Variants in ESRRG observed in about 807,000 individuals in gnomAD.
ESRRG encodes the protein estrogen related receptor gamma, also known as estrogen-related receptor gamma.
Under a neutral mutation model 44.0 loss-of-function variants are expected in ESRRG, and 13 were observed. The ratio of observed to expected loss-of-function variants is 0.30; its 90% CI spans 0.19 to 0.47. ESRRG has a LOEUF of 0.47. Among genes scored for constraint, ESRRG ranks in the 20% least tolerant of loss-of-function variants. The pLI is 1.00. For missense variants in ESRRG, 395 were observed against 580.6 expected, an observed-to-expected ratio of 0.68 and a Z score of 3.29; for synonymous variants, 215 against 214.6, an observed-to-expected ratio of 1.00 and a Z score of -0.02.
intron 2 of ESRRG, among the ~76,000 whole-genome samples, chr1:216,731,030 C>T (rs996019436): frequency 1.3e-5 from 2 of 152,142 alleles, no homozygotes; most frequent in African/African-American, 4.8e-5. Flanking sequence ...AACAAAGCTG[C>T]CATATCAGTA....
intron 1 of ESRRG, among the ~76,000 whole-genome samples, chr1:217,033,862 T>C (rs137931081): frequency 2.0e-3 from 303 of 152,336 alleles, no homozygotes; most frequent in African/African-American, 6.8e-3. Flanking sequence ...AACACTGTTA[T>C]TTCACAGATG....
chr1:216,580,089 G>A (rs2062456018), intron 3 of ESRRG, among the ~76,000 whole-genome samples: 1 of 152,198 alleles, frequency 6.6e-6, no homozygotes, highest in African/African-American at 2.4e-5. Flanking sequence ...TTTGGTGTAT[G>A]TTGTAAAGTG....
chr1:217,082,905 C>T (rs917249749), intron 1 of ESRRG, among the ~76,000 whole-genome samples: 2 of 152,212 alleles, frequency 1.3e-5, no homozygotes, highest in African/African-American at 4.8e-5. Context: ...CAACCAGCCT[C>T]AAAGAGTCCC....
At chr1:216,547,270 G>A (rs764878447) in intron 5 of ESRRG, among the ~76,000 whole-genome samples, 16 of 151,788 alleles carry the variant, frequency 1.1e-4, no homozygotes, top group South Asian at 2.1e-4. Flanking sequence ...TGATGATGAT[G>A]ATGATGATAC....
chr1:216,656,076 A>G (rs2070457148), intron 2 of ESRRG, among the ~76,000 whole-genome samples: 1 of 152,176 alleles, frequency 6.6e-6, no homozygotes, highest in African/African-American at 2.4e-5. Context: ...CTAAAAGTGG[A>G]AACTAGACGA....
chr1:216,749,552 TCAGCTGTTTAACAG>T (rs2091802932), intron 2 of ESRRG, among the ~76,000 whole-genome samples: 1 of 152,190 alleles, frequency 6.6e-6, no homozygotes, highest in South Asian at 2.1e-4. Context: ...TCTTTTGTCG[TCAGCTGTTTAACAG>T]CAGCTGTTTA....
chr1:217,060,700 T>C (rs1032311533), intron 1 of ESRRG, among the ~76,000 whole-genome samples: 3 of 151,988 alleles, frequency 2.0e-5, no homozygotes, highest in African/African-American at 7.2e-5. Flanking sequence ...TTTTCAAGCA[T>C]CTAAATTCCT....
intron 2 of ESRRG, among the ~76,000 whole-genome samples, chr1:216,800,248 A>G (rs575425605): frequency 7.2e-5 from 11 of 152,280 alleles, no homozygotes; most frequent in African/African-American, 2.4e-4. Flanking sequence ...TATGAATTCT[A>G]AAAACAATCC....
intron 2 of ESRRG, among the ~76,000 whole-genome samples, chr1:216,921,645 C>T (rs2061864884): frequency 6.6e-6 from 1 of 152,164 alleles, no homozygotes; most frequent in Non-Finnish European, 1.5e-5. Context: ...GGCTTTTACA[C>T]TCATCTTATT....
intron 1 of ESRRG, among the ~76,000 whole-genome samples, chr1:216,979,903 T>C (rs901596715): frequency 1.3e-5 from 2 of 152,272 alleles, no homozygotes; most frequent in African/African-American, 4.8e-5. Context: ...ACTCACTCTT[T>C]GTAAAGTAAT....
At chr1:216,825,751 C>T (rs1263454982) in intron 2 of ESRRG, among the ~76,000 whole-genome samples, 2 of 152,138 alleles carry the variant, frequency 1.3e-5, no homozygotes, top group African/African-American at 4.8e-5. Flanking sequence ...CTGAGAAGAG[C>T]TGGAGGTCAC....
intron 2 of ESRRG, among the ~76,000 whole-genome samples, chr1:216,830,950 C>G (rs936772588): frequency 6.6e-6 from 1 of 151,986 alleles, no homozygotes; most frequent in Non-Finnish European, 1.5e-5. Flanking sequence ...GTGCTCTCAC[C>G]TCCTACAACT....
Position 217,007,396 on chromosome 1 carries a change from G to T in ESRRG, c.-105-67723C>A, listed in dbSNP as rs146053249. On this transcript the variant is annotated intron_variant, in intron 1 of 7. Transcript: ENST00000359162. ...TCTCTTCTTCCAAAGGGGGAAAAGGGGAAGGAAAGAAACACTAAGTCAATG... is the reference window on the plus strand; with the variant it reads ...TCTCTTCTTCCAAAGGGGGAAAAGGTGAAGGAAAGAAACACTAAGTCAATG... 5.0e-3 allele frequency among the ~76,000 whole-genome samples: 766 copies of T among 152,182 alleles called. 10 individuals are homozygous for T. Among genetic ancestry groups the T allele is most frequent in the African/African-American group, 0.018 (751 of 41,528 alleles).
intron 1 of ESRRG, among the ~76,000 whole-genome samples, chr1:216,940,663 G>A (rs1329148231): frequency 6.6e-6 from 1 of 152,140 alleles, no homozygotes; most frequent in Admixed American, 6.5e-5. Context: ...TTTGGGGAGT[G>A]AACACCTCAA....
intron 2 of ESRRG, among the ~76,000 whole-genome samples, chr1:216,926,873 T>C (rs2062660193): frequency 6.6e-6 from 1 of 152,182 alleles, no homozygotes; most frequent in Non-Finnish European, 1.5e-5. Context: ...GAATGCTGAA[T>C]GCTGAATGCT....
rs2040682988 is a variant in ESRRG, at chr1:216,503,520, T to G, written c.*3419A>C. On this transcript the variant is annotated 3_prime_UTR_variant, in exon 7 of 7. Transcript: ENST00000408911. ...CATGGTTTTATTATTATTATTATTA[T>G]TTTTACTACTGGCTATAATGCAACT... 6.6e-6 allele frequency: 1 copy of G among 152,492 alleles called. No individual in the cohort carries two copies. Among genetic ancestry groups the G allele is most frequent in the Non-Finnish European group, 1.5e-5 (1 of 68,012 alleles). The allele number at this position is 152,492 out of a possible 1,614,324, so 9.4% of individuals were successfully genotyped here. A position where few individuals can be genotyped will look rare whatever the true frequency, so the allele number is the denominator to read the frequency against.
intron 1 of ESRRG, among the ~76,000 whole-genome samples, chr1:217,113,242 A>T (rs2092679825): frequency 6.6e-6 from 1 of 152,180 alleles, no homozygotes; most frequent in African/African-American, 2.4e-5. Flanking sequence ...GACAGTAGAG[A>T]CAAGAGCCTC....
intron 2 of ESRRG, among the ~76,000 whole-genome samples, chr1:216,776,116 C>T (rs1489683976): frequency 1.3e-5 from 2 of 152,054 alleles, no homozygotes; most frequent in Non-Finnish European, 2.9e-5. Flanking sequence ...AGATTAAGGG[C>T]ACAGTGCTTA....
intron 1 of ESRRG, chr1:217,000,326 C>G (rs1351770021): frequency 6.6e-6 from 1 of 152,194 alleles, no homozygotes; most frequent in Non-Finnish European, 1.5e-5. Context: ...GACGGAGACT[C>G]TGTTCCATGA....
Sources: allele counts gnomAD v4.1 joint callset (sites outside exome capture counted in the v4.1 genomes callset), GRCh38; gene constraint gnomAD v4.1.1; transcripts MANE v1.5; gene names NCBI Gene and HGNC (gene_info 2026-07-23, HGNC 2026-07-21).